ATP6V1C1: variants seen among roughly 807,000 people sequenced by gnomAD.
ATP6V1C1 encodes the protein V-type proton ATPase subunit C 1.
In ATP6V1C1, 45 loss-of-function variants were observed where a neutral mutation model predicts 53.9. The ratio of observed to expected loss-of-function variants is 0.83; its 90% confidence interval spans 0.66 to 1.07. The LOEUF (loss-of-function observed/expected upper bound fraction) is 1.07, where lower values mean the gene tolerates loss of function less well. Ranked by LOEUF, ATP6V1C1 falls within the 50% of genes least tolerant of loss-of-function variation. The pLI is 0.00. For missense variants in ATP6V1C1, 315 were observed against 440.3 expected, an observed-to-expected ratio of 0.72 and a Z score of 2.55; for synonymous variants, 153 against 155.2, an observed-to-expected ratio of 0.99 and a Z score of 0.11.
At chr8:103,033,390 T>A (rs1046012529) in intron 1 of ATP6V1C1, among the ~76,000 whole-genome samples, 11 of 152,384 alleles carry the variant, frequency 7.2e-5, no homozygotes, top group African/African-American at 2.6e-4. Context: ...GCTAACCAAC[T>A]ATAATCCAGG....
intron 4 of ATP6V1C1, 134 bp downstream of exon 4, chr8:103,049,089 A>G: frequency 1.3e-6 from 1 of 754,780 alleles, no homozygotes; most frequent in Non-Finnish European, 2.1e-6. Context: ...AAATACAATT[A>G]TTATTACTGA....
At chr8:103,033,461 A>G (rs74831881) in intron 1 of ATP6V1C1, among the ~76,000 whole-genome samples, 2,791 of 152,308 alleles carry the variant, frequency 0.018, 124 homozygotes, top group East Asian at 0.18. Context: ...TTCAGCAAAT[A>G]TCTTCTGAGA....
intron 11 of ATP6V1C1, 143 bp from the exon 12 acceptor site, chr8:103,066,178 A>G (rs1817486206): frequency 2.0e-6 from 2 of 978,006 alleles, no homozygotes; most frequent in Admixed American, 3.7e-5. Context: ...GTTTCTATAT[A>G]TATTAGTTGA....
chr8:103,037,637 A>G (rs1292308455), intron 1 of ATP6V1C1, among the ~76,000 whole-genome samples: 1 of 152,224 alleles, frequency 6.6e-6, no homozygotes, highest in African/African-American at 2.4e-5. Context: ...TTTTATTTTT[A>G]ATAAATTTGC....
intron 8 of ATP6V1C1, among the ~76,000 whole-genome samples, chr8:103,059,896 ACC>A (rs1491449317): frequency 0.01 from 89 of 8,894 alleles, 1 homozygote; most frequent in African/African-American, 0.031. Flanking sequence ...ACACACACAC[ACC>A]CACACACCCA....
At chr8:103,028,058 A>G (rs763900637) in intron 1 of ATP6V1C1, among the ~76,000 whole-genome samples, 4 of 152,232 alleles carry the variant, frequency 2.6e-5, no homozygotes, top group Non-Finnish European at 5.9e-5. Flanking sequence ...GTGACAAAAC[A>G]TAAAATAGAT....
chr8:103,035,199 T>C (rs140880300), intron 1 of ATP6V1C1, among the ~76,000 whole-genome samples: 196 of 152,282 alleles, frequency 1.3e-3, no homozygotes, highest in African/African-American at 4.4e-3. Context: ...CCTGCAACTC[T>C]ACCAATTTTT....
In ATP6V1C1 at chr8:103,031,985, C is replaced by G. The variant is rs996653423; in HGVS notation, c.-39-8813C>G. Reference sequence around the variant, plus strand: ...GGATAGGCAGGTTTTTCACATGCTACAGAAAGCATATATTGTAAAAAAAAA... The same window carrying G: ...GGATAGGCAGGTTTTTCACATGCTAGAGAAAGCATATATTGTAAAAAAAAA... On this transcript the variant is annotated intron_variant, in intron 1 of 12. Coordinates refer to ENST00000518738, the MANE Select transcript of ATP6V1C1 (RefSeq NM_001695.5). Among the ~76,000 whole-genome samples, 3 of 149,224 alleles carry G rather than the reference C, an allele frequency of 2.0e-5. No homozygotes were observed. In the Admixed American group the frequency reaches 2.0e-4, roughly 10 times the overall value.
At position 103,071,660 on chromosome 8, in the gene ATP6V1C1, A is replaced by G. The variant is rs2453995; in HGVS notation, c.*2913A>G. The G allele has an allele frequency of 0.29, 44,019 of 152,334 alleles. 7,055 individuals are homozygous for G. The highest frequency in any genetic ancestry group is 0.43 in the African/African-American group (17,732 of 41,458). The allele number at this position is 152,334 out of a possible 1,614,324, so 9.4% of individuals were successfully genotyped here. A position where few individuals can be genotyped will look rare whatever the true frequency, so the allele number is the denominator to read the frequency against. ...AAGGTCTTGCTCTGTCACCCAGGCTAGAGTGCAGTGGCATGATCAGGGCTT... is the reference window on the plus strand; with the variant it reads ...AAGGTCTTGCTCTGTCACCCAGGCTGGAGTGCAGTGGCATGATCAGGGCTT... On this transcript the variant is annotated 3_prime_UTR_variant, in exon 13 of 13. Transcript: ENST00000518738.
In ATP6V1C1 at chr8:103,066,291, T is replaced by C. The variant is rs1486735477; in HGVS notation, c.927-30T>C. On this transcript the variant is annotated intron_variant, in intron 11 of 12. Coordinates refer to ENST00000518738, the MANE Select transcript of ATP6V1C1 (RefSeq NM_001695.5). ...AAATCTCTTTACATGTTTGCTTGTATTGCGTACTGTATTTCTGCTTTTTTG... is the reference window on the plus strand; with the variant it reads ...AAATCTCTTTACATGTTTGCTTGTACTGCGTACTGTATTTCTGCTTTTTTG... 5 of 1,588,904 alleles carry C rather than the reference T, an allele frequency of 3.1e-6. No individual in the cohort carries two copies. In the East Asian group the frequency reaches 1.1e-4, roughly 36 times the overall value.
intron 1 of ATP6V1C1, among the ~76,000 whole-genome samples, chr8:103,039,468 T>C (rs1816956440): frequency 6.6e-6 from 1 of 152,222 alleles, no homozygotes; most frequent in Admixed American, 6.5e-5. Context: ...TAAACTCTTT[T>C]CACATTAATT....
intron 7 of ATP6V1C1, among the ~76,000 whole-genome samples, chr8:103,055,156 T>C (rs993685745): frequency 6.6e-6 from 1 of 152,158 alleles, no homozygotes; most frequent in Non-Finnish European, 1.5e-5. Context: ...AAAATAACTT[T>C]TGCCCAGATG....
rs1817541540 is a variant in ATP6V1C1 at position 103,068,937 on chromosome 8, TTC to T, written c.*192_*193del. ...AAAGGAAAAAATATATATATATAGT[TTC>T]TTTTTATTGATCAGGTCTGTAAATG... On this transcript the variant is annotated 3_prime_UTR_variant, in exon 13 of 13. Coordinates refer to ENST00000518738, the MANE Select transcript of ATP6V1C1 (RefSeq NM_001695.5). The T allele has an allele frequency of 9.0e-6, 3 of 333,672 alleles. No homozygotes were observed. Among genetic ancestry groups the T allele is most frequent in the African/African-American group, 6.4e-5 (3 of 46,940 alleles). 20.7% of individuals were successfully genotyped at this position (333,672 alleles called of 1,614,324 possible).
intron 3 of ATP6V1C1, among the ~76,000 whole-genome samples, chr8:103,048,086 A>C (rs555176461): frequency 6.6e-6 from 1 of 152,322 alleles, no homozygotes; most frequent in African/African-American, 2.4e-5. Context: ...CTGGACTCCA[A>C]AGTCAGGACA....
chr8:103,048,575 A>G (rs974446989), intron 3 of ATP6V1C1, among the ~76,000 whole-genome samples: 2 of 152,120 alleles, frequency 1.3e-5, no homozygotes, highest in African/African-American at 2.4e-5. Context: ...ATATATGGCT[A>G]TTTACAGACT....
In ATP6V1C1 at chr8:103,069,524, T is replaced by G. The variant is rs1817550380; in HGVS notation, c.*777T>G. On this transcript the variant is annotated 3_prime_UTR_variant, in exon 13 of 13. Coordinates refer to ENST00000518738, the MANE Select transcript of ATP6V1C1 (RefSeq NM_001695.5). ...TAGAATTTTAGGTCTCTCAAATAAT[T>G]AAGAATAGAGCCAGTTTTGAATAAA... 1 of 152,228 alleles carries G rather than the reference T, an allele frequency of 6.6e-6. No homozygotes were observed. Among genetic ancestry groups the G allele is most frequent in the Admixed American group, 6.5e-5 (1 of 15,280 alleles). 9.4% of individuals were successfully genotyped at this position (152,228 alleles called of 1,614,324 possible).
intron 8 of ATP6V1C1, among the ~76,000 whole-genome samples, chr8:103,060,939 C>G (rs777539646): frequency 1.1e-4 from 17 of 152,162 alleles, no homozygotes; most frequent in Non-Finnish European, 1.3e-4. Flanking sequence ...GTCTTCAAAA[C>G]AGCAAAGTGT....
intron 1 of ATP6V1C1, among the ~76,000 whole-genome samples, chr8:103,023,773 A>G (rs1816641312): frequency 6.6e-6 from 1 of 152,220 alleles, no homozygotes; most frequent in Non-Finnish European, 1.5e-5. Flanking sequence ...CTGAGTCCGG[A>G]GTAACTGCCA....
chr8:103,053,515 C>A (rs576380212), intron 6 of ATP6V1C1, among the ~76,000 whole-genome samples: 34 of 151,984 alleles, frequency 2.2e-4, no homozygotes, highest in South Asian at 1.5e-3. Flanking sequence ...GAGGGAAGAA[C>A]ACTAAAGGTA....
Sources: gnomAD v4.1 joint callset for allele counts (sites outside exome capture counted in the v4.1 genomes callset) on GRCh38, gnomAD v4.1.1 for gene constraint, MANE v1.5 for transcripts, NCBI Gene and HGNC (gene_info 2026-07-23, HGNC 2026-07-21) for gene names.